PVT1: variants seen among roughly 807,000 people sequenced by gnomAD.
PVT1 encodes CXCR4/PVT1 fusion.
At chr8:127,899,376 C>A (rs950724068) in intron 3 of PVT1, among the ~76,000 whole-genome samples, 1 of 152,142 alleles carries the variant, frequency 6.6e-6, no homozygotes, top group African/African-American at 2.4e-5. Flanking sequence ...AGCCCTGAAT[C>A]TCATTTAAAT....
chr8:127,822,868 G>A (rs1358754191), intron 2 of PVT1, among the ~76,000 whole-genome samples: 1 of 152,164 alleles, frequency 6.6e-6, no homozygotes, highest in Non-Finnish European at 1.5e-5. Flanking sequence ...AGCTAAAAGA[G>A]GACAGCAGCT....
intron 6 of PVT1, among the ~76,000 whole-genome samples, chr8:128,099,186 C>A (rs566828855): frequency 4.5e-4 from 69 of 152,200 alleles, no homozygotes; most frequent in Non-Finnish European, 8.5e-4. Flanking sequence ...TGGCGACATG[C>A]GGGTCACGTG....
At chr8:127,909,498 T>C (rs1280689365) in intron 3 of PVT1, among the ~76,000 whole-genome samples, 7 of 152,218 alleles carry the variant, frequency 4.6e-5, no homozygotes, top group Admixed American at 4.6e-4. Flanking sequence ...ATGAGTGTGA[T>C]AATAGCGCTT....
In PVT1 at chr8:127,887,649, C is replaced by T. The variant is rs537348969; in HGVS notation, n.373-2940C>T. 1.5e-3 allele frequency among the ~76,000 whole-genome samples: 226 copies of T among 152,278 alleles called. 2 individuals are homozygous for T. The highest frequency in any genetic ancestry group is 5.2e-3 in the African/African-American group (218 of 41,542). ...CAAGTGATTCTCGTTCCTCAGCCTC[C>T]CAGGTAGCTGGGATTACAGGCACCT... On this transcript the variant is annotated intron_variant and non_coding_transcript_variant, in intron 2 of 10. Transcript: ENST00000651587.
intron 2 of PVT1, among the ~76,000 whole-genome samples, chr8:127,842,790 T>C (rs1289471911): frequency 6.6e-6 from 1 of 152,136 alleles, no homozygotes; most frequent in South Asian, 2.1e-4. Context: ...AGAGATAGCA[T>C]CTGAGTGAGA....
chr8:127,972,899 A>T (rs900380691), intron 3 of PVT1, among the ~76,000 whole-genome samples: 7 of 152,256 alleles, frequency 4.6e-5, no homozygotes, highest in African/African-American at 1.4e-4. Context: ...ATTAAAAAAA[A>T]TTTTTGATTA....
At chr8:128,042,248 T>C (rs1388023187) in intron 4 of PVT1, among the ~76,000 whole-genome samples, 1 of 152,240 alleles carries the variant, frequency 6.6e-6, no homozygotes, top group African/African-American at 2.4e-5. Context: ...CCTTGTTTTC[T>C]TTGTAAGGCA....
At chr8:127,905,970 G>T (rs1213129499) in intron 3 of PVT1, among the ~76,000 whole-genome samples, 1 of 152,200 alleles carries the variant, frequency 6.6e-6, no homozygotes, top group Admixed American at 6.5e-5. Context: ...TAGTTGCTCT[G>T]TGTAGGAAGG....
At chr8:127,930,358 C>T (rs1323154627) in intron 3 of PVT1, among the ~76,000 whole-genome samples, 1 of 152,146 alleles carries the variant, frequency 6.6e-6, no homozygotes, top group East Asian at 1.9e-4. Flanking sequence ...GAAGTTTTGC[C>T]ATGTTGGCCA....
At chr8:128,050,710 T>G (rs1313225909) in intron 4 of PVT1, among the ~76,000 whole-genome samples, 2 of 152,210 alleles carry the variant, frequency 1.3e-5, no homozygotes, top group Non-Finnish European at 2.9e-5. Flanking sequence ...TAACCTGGGC[T>G]GATAGTTCCT....
intron 3 of PVT1, among the ~76,000 whole-genome samples, chr8:127,944,006 C>T (rs767406529): frequency 1.8e-4 from 27 of 152,116 alleles, no homozygotes; most frequent in South Asian, 4.1e-4. Context: ...TCATTCCATG[C>T]GCACTCAATA....
At chr8:127,927,180 A>G (rs751070075) in intron 3 of PVT1, among the ~76,000 whole-genome samples, 1 of 152,284 alleles carries the variant, frequency 6.6e-6, no homozygotes, top group East Asian at 1.9e-4. Flanking sequence ...AAATGGGACT[A>G]TTCGTCTCTA....
intron 2 of PVT1, among the ~76,000 whole-genome samples, chr8:127,823,701 T>G (rs1223334751): frequency 6.6e-6 from 1 of 152,202 alleles, no homozygotes; most frequent in Non-Finnish European, 1.5e-5. Flanking sequence ...GTGTGGAACA[T>G]TTATACTCCC....
At chr8:128,071,109 G>A (rs772750119) in intron 5 of PVT1, among the ~76,000 whole-genome samples, 3 of 152,162 alleles carry the variant, frequency 2.0e-5, no homozygotes, top group African/African-American at 7.2e-5. Flanking sequence ...TTTTGGAAAC[G>A]GCAATTCTTT....
At chr8:127,877,932 A>C (rs1263308563) in intron 2 of PVT1, among the ~76,000 whole-genome samples, 1 of 152,104 alleles carries the variant, frequency 6.6e-6, no homozygotes, top group African/African-American at 2.4e-5. Context: ...TCTCAAAAAA[A>C]CAACAACCCC....
At chr8:127,874,781 C>T (rs1815386948) in intron 2 of PVT1, among the ~76,000 whole-genome samples, 11 of 152,194 alleles carry the variant, frequency 7.2e-5, no homozygotes. Context: ...GGCTTTTGCC[C>T]ACCCTTCCCT....
intron 5 of PVT1, among the ~76,000 whole-genome samples, chr8:128,074,502 GACA>G (rs1814056362): frequency 7.1e-6 from 1 of 141,500 alleles, no homozygotes. Context: ...CAGCCTGAGT[GACA>G]GAGTGAGACT....
chr8:128,032,607 C>T (rs1813405146), intron 4 of PVT1, among the ~76,000 whole-genome samples: 2 of 152,354 alleles, frequency 1.3e-5, no homozygotes, highest in East Asian at 3.9e-4. Context: ...TGCAGAATCT[C>T]AGTGGCTTTC....
chr8:128,011,103 C>T (rs1273447400), intron 4 of PVT1, among the ~76,000 whole-genome samples: 2 of 152,126 alleles, frequency 1.3e-5, no homozygotes, highest in African/African-American at 4.8e-5. Flanking sequence ...GGTGCGGGGA[C>T]CTCTAAAATG....
Sources: allele counts gnomAD v4.1 joint callset (sites outside exome capture counted in the v4.1 genomes callset), GRCh38; gene constraint gnomAD v4.1.1; transcripts MANE v1.5; gene names NCBI Gene and HGNC (gene_info 2026-07-23, HGNC 2026-07-21).